CCDC141: variants seen among roughly 807,000 people sequenced by gnomAD.
The protein encoded by CCDC141 is coiled-coil domain-containing protein 141.
Under a neutral mutation model 181.0 loss-of-function variants are expected in CCDC141, and 168 were observed. That is an observed-to-expected ratio of 0.93 (90% confidence interval 0.82 to 1.05). CCDC141 has a LOEUF of 1.05. CCDC141 is among the 50% of genes least tolerant of loss of function. The pLI is 0.00. For missense variants in CCDC141, 1,902 were observed against 1,788.5 expected, an observed-to-expected ratio of 1.06 and a Z score of -1.14; for synonymous variants, 666 against 642.3, an observed-to-expected ratio of 1.04 and a Z score of -0.56.
At chr2:178,862,730 T>C (rs2154368275) in intron 17 of CCDC141, among the ~76,000 whole-genome samples, 1 of 152,332 alleles carries the variant, frequency 6.6e-6, no homozygotes, top group South Asian at 2.1e-4. Flanking sequence ...TGTCTTCATA[T>C]GAAATTGGAA....
intron 5 of CCDC141, among the ~76,000 whole-genome samples, chr2:178,958,498 A>T (rs1041842162): frequency 6.6e-6 from 1 of 151,842 alleles, no homozygotes; most frequent in South Asian, 2.1e-4. Context: ...TTTAAAAAGC[A>T]CCCCTCCCAA....
At chr2:178,913,265 A>T (rs905250133) in intron 7 of CCDC141, among the ~76,000 whole-genome samples, 3 of 152,228 alleles carry the variant, frequency 2.0e-5, no homozygotes, top group Non-Finnish European at 4.4e-5. Flanking sequence ...GGAATTTAAG[A>T]CAGGCTGCTG....
intron 2 of CCDC141, among the ~76,000 whole-genome samples, chr2:179,028,967 A>G (rs2042931689): frequency 6.6e-6 from 1 of 152,098 alleles, no homozygotes; most frequent in African/African-American, 2.4e-5. Flanking sequence ...AATCAAATCT[A>G]ACTGTGTAGC....
intron 15 of CCDC141, among the ~76,000 whole-genome samples, chr2:178,868,608 C>CA (rs71393439): frequency 0.39 from 33,105 of 85,260 alleles, 6,436 homozygotes; most frequent in Non-Finnish European, 0.5. Context: ...ACTTGAAGTG[C>CA]AAAAAAAAAA....
chr2:178,948,071 A>C (rs1355216779), intron 5 of CCDC141, among the ~76,000 whole-genome samples: 1 of 152,034 alleles, frequency 6.6e-6, no homozygotes, highest in Non-Finnish European at 1.5e-5. Flanking sequence ...GTGGTAGCAC[A>C]CACCTGTAGT....
In CCDC141 at chr2:178,882,135, G is replaced by GC. The variant is rs146924170; in HGVS notation, c.1719+2765dup. On this transcript the variant is annotated intron_variant, in intron 11 of 23. Coordinates refer to ENST00000443758, the MANE Select transcript of CCDC141 (RefSeq NM_173648.4). The stretch of plus-strand genomic sequence containing the variant: ...ACCTGTAATCCTAGCACTTTGAAAG[G>GC]CCAAGGTGGGTGGATCACCTGAGGT... 6.0e-3 allele frequency among the ~76,000 whole-genome samples: 915 copies of GC among 152,152 alleles called. 9 individuals are homozygous for GC. Among genetic ancestry groups the GC allele is most frequent in the African/African-American group, 0.02 (848 of 41,500 alleles).
In CCDC141 at chr2:178,905,475, T is replaced by G; in HGVS notation, c.1119A>C (p.Glu373Asp). 6.5e-7 allele frequency: 1 copy of G among 1,550,034 alleles called. No individual in the cohort carries two copies. The highest frequency in any genetic ancestry group is 8.7e-7 in the Non-Finnish European group (1 of 1,146,778). The part of the protein sequence containing the change: ...NKAFDVLGRV[E>D]AYLKLLKSEG... ...CTGATTTAAGGAGCTTAAGGTAAGC[T>G]TCAACTCTTCCAAGTACATCAAATG... The change falls in exon 8 of 24, where the codon GAA becomes GAC. Residue 373 changes from glutamate (E) to aspartate (D), a missense_variant. Transcript: ENST00000443758.
chr2:178,990,139 C>CA (rs60180781), intron 2 of CCDC141, among the ~76,000 whole-genome samples: 62,590 of 118,858 alleles, frequency 0.53, 15,612 homozygotes, highest in East Asian at 0.87. Context: ...AATTCCATCT[C>CA]AAAAAAAAAA....
Position 178,855,513 on chromosome 2 carries a change from C to A in CCDC141, c.2894G>T (p.Ser965Ile), listed in dbSNP as rs752775141. 1.1e-5 allele frequency: 17 copies of A among 1,591,238 alleles called. No homozygotes were observed. The South Asian group carries it at 1.7e-4, about 15-fold the overall frequency. ...QALKRKMEKV[S>I]NKTSDSFLNY... Reference sequence around the variant, plus strand: ...TAAGAAAGAATCAGAGGTTTTATTACTAACTTTTTCCATTTTCCTTTTCAA... The same window carrying A: ...TAAGAAAGAATCAGAGGTTTTATTAATAACTTTTTCCATTTTCCTTTTCAA... Residue 965 changes from serine to isoleucine, a missense_variant, in exon 19 of 24, where the codon AGT becomes ATT. By Grantham distance (142) the Ser-to-Ile change is moderately radical (BLOSUM62 -2). Coordinates refer to ENST00000443758, the MANE Select transcript of CCDC141 (RefSeq NM_173648.4).
chr2:179,020,965 A>G (rs1434578972), intron 2 of CCDC141, among the ~76,000 whole-genome samples: 3 of 152,216 alleles, frequency 2.0e-5, no homozygotes, highest in Admixed American at 2.0e-4. Context: ...GTTGATAACA[A>G]ATCCTTTCTC....
At chr2:179,013,812 G>A (rs2042342063) in intron 2 of CCDC141, among the ~76,000 whole-genome samples, 1 of 151,596 alleles carries the variant, frequency 6.6e-6, no homozygotes. Context: ...CTAAAAATTA[G>A]CCAGGTGTGG....
At chr2:178,897,105 T>A (rs920743848) in intron 8 of CCDC141, among the ~76,000 whole-genome samples, 1 of 152,170 alleles carries the variant, frequency 6.6e-6, no homozygotes, top group African/African-American at 2.4e-5. Flanking sequence ...CTACAATGTC[T>A]AAAATGATCT....
chr2:178,896,679 T>C lies in CCDC141; in HGVS notation c.1266-8011A>G, dbSNP rs374308802. Among the ~76,000 whole-genome samples the C allele has an allele frequency of 2.5e-4, 38 of 152,256 alleles. No individual in the cohort carries two copies. In the South Asian group the frequency reaches 7.5e-3, roughly 30 times the overall value. On this transcript the variant is annotated intron_variant, in intron 8 of 23. Coordinates refer to ENST00000443758, the MANE Select transcript of CCDC141 (RefSeq NM_173648.4). ...ATGAAAGGAGTAGAAAGACAAAAACTGGCAACCTAACAGAGTAGTTCAGAT... is the reference window on the plus strand; with the variant it reads ...ATGAAAGGAGTAGAAAGACAAAAACCGGCAACCTAACAGAGTAGTTCAGAT...
intron 11 of CCDC141, among the ~76,000 whole-genome samples, chr2:178,880,035 G>A (rs560589243): frequency 3.3e-5 from 5 of 152,288 alleles, no homozygotes; most frequent in South Asian, 4.1e-4. Flanking sequence ...TGAAACTACC[G>A]ATAGATGAGT....
At chr2:178,955,693 TAA>T (rs1491206895) in intron 5 of CCDC141, among the ~76,000 whole-genome samples, 1 of 152,230 alleles carries the variant, frequency 6.6e-6, no homozygotes, top group Non-Finnish European at 1.5e-5. Context: ...CACGCTTGGA[TAA>T]AAGTCTAGAA....
intron 2 of CCDC141, among the ~76,000 whole-genome samples, chr2:179,015,622 TATATCTCAC>T (rs1403927930): frequency 3.0e-5 from 4 of 132,802 alleles, no homozygotes; most frequent in Non-Finnish European, 3.2e-5. Context: ...ATAGCTCATA[TATATCTCAC>T]ATATATCTCA....
At chr2:179,040,361 T>C (rs1445012212) in intron 2 of CCDC141, among the ~76,000 whole-genome samples, 2 of 152,210 alleles carry the variant, frequency 1.3e-5, no homozygotes, top group Non-Finnish European at 2.9e-5. Flanking sequence ...GAAACCCCTC[T>C]TCTTTCTTTT....
At chr2:178,884,251 A>AG (rs1313923352) in intron 11 of CCDC141, among the ~76,000 whole-genome samples, 1 of 151,550 alleles carries the variant, frequency 6.6e-6, no homozygotes, top group Admixed American at 6.6e-5. Context: ...AAAAAAAAAA[A>AG]AAAACCAGAA....
intron 2 of CCDC141, among the ~76,000 whole-genome samples, chr2:179,042,820 C>G (rs914005842): frequency 6.6e-6 from 1 of 151,914 alleles, no homozygotes; most frequent in Non-Finnish European, 1.5e-5. Flanking sequence ...GAATCAAGAG[C>G]AAACAACCCA....
Sources: allele counts gnomAD v4.1 joint callset (sites outside exome capture counted in the v4.1 genomes callset), GRCh38; gene constraint gnomAD v4.1.1; transcripts MANE v1.5; gene names NCBI Gene and HGNC (gene_info 2026-07-23, HGNC 2026-07-21).